Variants in NPHP4 observed in about 807,000 individuals in gnomAD.
The protein encoded by NPHP4 is nephrocystin 4.
NPHP4 carries 151 observed loss-of-function variants against 155.8 expected under a neutral mutation model. The observed-to-expected ratio is 0.97, with a 90% CI of 0.85 to 1.11. NPHP4 has a LOEUF of 1.11. Ranked by LOEUF, NPHP4 falls within the 50% of genes least tolerant of loss-of-function variation. NPHP4 has a pLI of 0.00. For missense variants in NPHP4, 1,956 were observed against 1,925.7 expected (o/e 1.02, Z -0.29); for synonymous variants, 845 against 816.8 (o/e 1.03, Z -0.59).
Position 5,863,478 on chromosome 1 carries a change from T to G in NPHP4, c.4141-73A>C, listed in dbSNP as rs572722458. ...CGCTCTCACCAGCAACCTCTCTGCA[T>G]GGTCGTGTTTATTTCCAAGGGGAGC... On this transcript the variant is annotated intron_variant, in intron 29 of 29. Transcript: ENST00000378156. The G allele has an allele frequency of 1.0e-5, 16 of 1,548,952 alleles. No individual in the cohort carries two copies. The East Asian group carries it at 3.6e-4, about 35-fold the overall frequency.
At chr1:5,977,673 G>C (rs906738867) in intron 3 of NPHP4, among the ~76,000 whole-genome samples, 2 of 150,116 alleles carry the variant, frequency 1.3e-5, no homozygotes, top group Non-Finnish European at 3.0e-5. Context: ...AGAGCATGCC[G>C]GCCCGCAGGG....
chr1:5,881,825 C>A (rs963764487), intron 18 of NPHP4: 19 of 152,400 alleles, frequency 1.2e-4, no homozygotes, highest in African/African-American at 4.6e-4. Flanking sequence ...CTCCTGCAGA[C>A]GAGCTGTTCT....
Position 5,878,612 on chromosome 1 carries a change from G to A in NPHP4, c.2612-1314C>T, listed in dbSNP as rs996015216. Among the ~76,000 whole-genome samples, 3 of 152,204 alleles carry A rather than the reference G, an allele frequency of 2.0e-5. No homozygotes were observed. The South Asian group carries it at 6.2e-4, about 32-fold the overall frequency. ...TGCAACTTGCTAATTGCAGAGCCTT[G>A]CCTCATGGGTGAGACATGTGCTTTT... On this transcript the variant is annotated intron_variant, in intron 19 of 29. Coordinates refer to ENST00000378156, the MANE Select transcript of NPHP4 (RefSeq NM_015102.5).
intron 9 of NPHP4, among the ~76,000 whole-genome samples, chr1:5,945,902 G>A (rs539611781): frequency 2.7e-5 from 4 of 145,588 alleles, no homozygotes; most frequent in Admixed American, 1.4e-4. Flanking sequence ...ATCTGGCATT[G>A]TCCCCCCCCA....
intron 10 of NPHP4, among the ~76,000 whole-genome samples, chr1:5,930,310 T>G (rs1456710446): frequency 1.3e-5 from 2 of 152,218 alleles, no homozygotes; most frequent in Non-Finnish European, 2.9e-5. Flanking sequence ...TTTCATTGGT[T>G]TCTGCTGTTA....
In NPHP4 at chr1:5,889,033, C is replaced by T. The variant is rs985580123; in HGVS notation, c.2305-1567G>A. On this transcript the variant is annotated intron_variant, in intron 17 of 29. Transcript: ENST00000378156. This position sits in a 1 kb window ranked among gnomAD's most constrained non-coding sequence, Gnocchi z 4.2. Reference sequence around the variant, plus strand: ...AACAAGGATAAAAACAGAACTGCCCCAGGGCTGGGCTAGGGGTCACACTGA... The same window carrying T: ...AACAAGGATAAAAACAGAACTGCCCTAGGGCTGGGCTAGGGGTCACACTGA... Among the ~76,000 whole-genome samples the T allele has an allele frequency of 1.3e-5, 2 of 152,214 alleles. No individual in the cohort carries two copies. The highest frequency in any genetic ancestry group is 2.9e-5 in the Non-Finnish European group (2 of 68,040).
Position 5,863,957 on chromosome 1 carries a change from G to A in NPHP4, c.4073C>T (p.Ser1358Phe), listed in dbSNP as rs754968410. The A allele has an allele frequency of 1.2e-6, 2 of 1,613,776 alleles. No individual in the cohort carries two copies. The highest frequency in any genetic ancestry group is 2.2e-5 in the East Asian group (1 of 44,876). The change falls in exon 29 of 30, where the codon TCC becomes TTC. Residue 1358 changes from serine to phenylalanine, a missense_variant. Physicochemically the swap from Ser to Phe is radical, Grantham distance 155. Transcript: ENST00000378156. ...GCTGTGCAGGTGGAATGTCCTCCGG[G>A]AGGGGTAGGGGTTGGTGTAGGTGAT... ...KRITYTNPYP[S>F]RRTFHLHSDH...
intron 7 of NPHP4, among the ~76,000 whole-genome samples, chr1:5,948,614 C>T (rs116716786): frequency 0.011 from 1,736 of 152,238 alleles, 14 homozygotes; most frequent in Middle Eastern, 0.024. Context: ...CCTCCAAGGT[C>T]CCACAGCCCA....
At chr1:5,987,202 T>C (rs998035969) in intron 1 of NPHP4, among the ~76,000 whole-genome samples, 10 of 152,134 alleles carry the variant, frequency 6.6e-5, no homozygotes, top group African/African-American at 1.4e-4. Context: ...TTTTGAGTGT[T>C]ATCTGATCCT....
chr1:5,969,544 C>G (rs1652178893), intron 3 of NPHP4, among the ~76,000 whole-genome samples: 1 of 152,134 alleles, frequency 6.6e-6, no homozygotes. Context: ...TTTCCATTCC[C>G]TAGGAATTCC....
At chr1:5,980,826 C>A (rs1420238881) in intron 2 of NPHP4, among the ~76,000 whole-genome samples, 2 of 151,790 alleles carry the variant, frequency 1.3e-5, no homozygotes, top group African/African-American at 4.9e-5. Context: ...TCTGAAGACT[C>A]CAAGCCCAGC....
intron 19 of NPHP4, chr1:5,879,496 T>C (rs751113197): frequency 3.9e-6 from 2 of 518,508 alleles, no homozygotes; most frequent in Non-Finnish European, 7.7e-6. Flanking sequence ...CTTCAACTTG[T>C]TTTGAAAATC....
rs114033445 is a variant in NPHP4, at chr1:5,947,857, T to C, written c.992+213A>G. ...AGCATCCATAATGCTAACCCCCAAA[T>C]TGTCAGAGCACAAAAGGAAAAAAAA... On this transcript the variant is annotated intron_variant, in intron 8 of 29. Transcript: ENST00000378156. 4.8e-3 allele frequency among the ~76,000 whole-genome samples: 728 copies of C among 151,842 alleles called. 7 individuals carry two copies. Among genetic ancestry groups the C allele is most frequent in the Non-Finnish European group, 8.4e-3 (569 of 67,974 alleles).
Position 5,967,315 on chromosome 1 carries a change from G to C in NPHP4, c.501C>G (p.Leu167=). ...GGCTCTTACGCTCTGCGGGGTCCTGGAGAAGCGGGTGCAGGAGGGCTCTGG... is the reference window on the plus strand; with the variant it reads ...GGCTCTTACGCTCTGCGGGGTCCTGCAGAAGCGGGTGCAGGAGGGCTCTGG... ...GTPRALLHPL[L]QDPAEQNRHM... The change falls in exon 5 of 30, where the codon CTC becomes CTG. Residue 167 remains leucine (L), a synonymous_variant. Transcript: ENST00000378156. The C allele has an allele frequency of 1.2e-6, 2 of 1,606,112 alleles. No homozygotes were observed. The highest frequency in any genetic ancestry group is 1.7e-6 in the Non-Finnish European group (2 of 1,176,920).
rs554313057 is a variant in NPHP4 at position 5,888,289 on chromosome 1, C to T, written c.2305-823G>A. 25 of 973,634 alleles carry T rather than the reference C, an allele frequency of 2.6e-5. 1 individual carries two copies. The South Asian group carries it at 6.7e-4, about 26-fold the overall frequency. The allele number at this position is 973,634 out of a possible 1,614,324, so 60.3% of individuals were successfully genotyped here. A position where few individuals can be genotyped will look rare whatever the true frequency, so the allele number is the denominator to read the frequency against. On this transcript the variant is annotated intron_variant, in intron 17 of 29. Transcript: ENST00000378156. ...GAGGCATGTGGGGGATGACAACGGC[C>T]TCACGGCTGTGCCCCAGGCGTGGCT...
chr1:5,925,502 T>C (rs1450180497), intron 11 of NPHP4, among the ~76,000 whole-genome samples: 1 of 152,240 alleles, frequency 6.6e-6, no homozygotes, highest in African/African-American at 2.4e-5. Context: ...TTCATAATTA[T>C]GTTTCTCAAA....
Position 5,863,147 on chromosome 1 carries a change from A to T in NPHP4, c.*118T>A. On this transcript the variant is annotated 3_prime_UTR_variant, in exon 30 of 30. Transcript: ENST00000378156. ...GCTTCCTCAGCCAAGTGCACAGGTC[A>T]GCCAGGTGGGCACTGAAGTGAAAGG... 3 of 1,100,424 alleles carry T rather than the reference A, an allele frequency of 2.7e-6. No individual in the cohort carries two copies. In the South Asian group the frequency reaches 3.8e-5, roughly 14 times the overall value. The allele number at this position is 1,100,424 out of a possible 1,614,324, so 68.2% of individuals were successfully genotyped here.
intron 19 of NPHP4, among the ~76,000 whole-genome samples, 162 bp downstream of exon 19, chr1:5,879,952 A>G (rs1212123573): frequency 6.6e-6 from 1 of 151,444 alleles, no homozygotes; most frequent in Non-Finnish European, 1.5e-5. Context: ...GCACATGGAC[A>G]GCACAGTCCC....
chr1:5,912,265 A>G (rs1452318227), intron 11 of NPHP4, among the ~76,000 whole-genome samples: 1 of 152,200 alleles, frequency 6.6e-6, no homozygotes, highest in East Asian at 1.9e-4. Context: ...TAGGCCGGGC[A>G]CGGTGGCTCA....
Sources: allele counts gnomAD v4.1 joint callset (sites outside exome capture counted in the v4.1 genomes callset), GRCh38; gene constraint gnomAD v4.1.1; non-coding constraint Gnocchi (gnomAD v3.1); transcripts MANE v1.5; gene names NCBI Gene and HGNC (gene_info 2026-07-23, HGNC 2026-07-21).